STXBP5L: variants seen among roughly 807,000 people sequenced by gnomAD.
STXBP5L encodes the protein syntaxin-binding protein 5-like.
In STXBP5L, 65 loss-of-function variants were observed where a neutral mutation model predicts 144.5. The ratio of observed to expected loss-of-function variants is 0.45; its 90% CI spans 0.37 to 0.55. The LOEUF (loss-of-function observed/expected upper bound fraction) is 0.55, where lower values mean the gene tolerates loss of function less well. STXBP5L is among the 20% of genes least tolerant of loss of function. The pLI is 0.00. For synonymous variants in STXBP5L, 505 were observed against 469.6 expected, an observed-to-expected ratio of 1.08 and a Z score of -0.97; for missense variants, 1,298 against 1,405.5, an observed-to-expected ratio of 0.92 and a Z score of 1.22.
intron 22 of STXBP5L, among the ~76,000 whole-genome samples, chr3:121,384,506 A>C (rs2046383882): frequency 6.6e-6 from 1 of 152,130 alleles, no homozygotes; most frequent in Admixed American, 6.6e-5. Context: ...TCTAGAAAAA[A>C]AATTTTTTTG....
intron 5 of STXBP5L, among the ~76,000 whole-genome samples, chr3:121,068,097 C>T (rs1344367620): frequency 2.0e-5 from 3 of 152,240 alleles, no homozygotes; most frequent in Non-Finnish European, 2.9e-5. Flanking sequence ...GCAACCTCCA[C>T]GCCCTGGGTT....
At chr3:121,416,688 A>T (rs1576381689) in intron 25 of STXBP5L, among the ~76,000 whole-genome samples, 1 of 151,576 alleles carries the variant, frequency 6.6e-6, no homozygotes. Context: ...CATTTTTAGT[A>T]GAGACGAGGT....
intron 5 of STXBP5L, among the ~76,000 whole-genome samples, chr3:121,081,978 G>A (rs1303671020): frequency 4.6e-5 from 7 of 152,122 alleles, no homozygotes; most frequent in Non-Finnish European, 1.0e-4. Context: ...ATTTTTATGT[G>A]TCTGTCCCTC....
At chr3:121,229,347 A>C (rs2049225995) in intron 11 of STXBP5L, among the ~76,000 whole-genome samples, 1 of 152,100 alleles carries the variant, frequency 6.6e-6, no homozygotes, top group South Asian at 2.1e-4. Flanking sequence ...GAATTAGAAA[A>C]AGTTATTTTT....
At chr3:121,153,303 C>A (rs1353721936) in intron 8 of STXBP5L, among the ~76,000 whole-genome samples, 2 of 151,892 alleles carry the variant, frequency 1.3e-5, no homozygotes, top group African/African-American at 4.8e-5. Context: ...CTGGGGGCAA[C>A]AGATTAAAAG....
chr3:121,147,954 A>T (rs1387970578), intron 7 of STXBP5L, among the ~76,000 whole-genome samples: 1 of 151,980 alleles, frequency 6.6e-6, no homozygotes, highest in Non-Finnish European at 1.5e-5. Flanking sequence ...GAACTATACC[A>T]TTGGTTCTCC....
At chr3:121,042,560 G>A (rs1302003594) in intron 4 of STXBP5L, among the ~76,000 whole-genome samples, 1 of 152,036 alleles carries the variant, frequency 6.6e-6, no homozygotes, top group Non-Finnish European at 1.5e-5. Context: ...AAAATGTTTG[G>A]TTATTTTCTC....
At chr3:120,948,811 G>A (rs1289815695) in intron 2 of STXBP5L, among the ~76,000 whole-genome samples, 1 of 151,846 alleles carries the variant, frequency 6.6e-6, no homozygotes, top group Non-Finnish European at 1.5e-5. Flanking sequence ...TGGTTGATGG[G>A]CATTTAGGCT....
rs969921914 is a variant in STXBP5L at position 120,959,414 on chromosome 3, A to G, written c.287+4377A>G. On this transcript the variant is annotated intron_variant, in intron 3 of 26. Transcript: ENST00000471454. ...TGGAAAAAACTACTTTAAAGTTCAT[A>G]TGGAACCAAAAAAGATCCCACATTG... 3.3e-5 allele frequency among the ~76,000 whole-genome samples: 5 copies of G among 152,218 alleles called. No individual in the cohort carries two copies. In the South Asian group the frequency reaches 6.2e-4, roughly 19 times the overall value.
intron 3 of STXBP5L, among the ~76,000 whole-genome samples, chr3:120,994,642 A>C (rs1478917665): frequency 1.3e-5 from 2 of 152,134 alleles, no homozygotes; most frequent in African/African-American, 4.8e-5. Flanking sequence ...CTACTTGATC[A>C]TGCTATATTA....
chr3:121,283,703 C>T (rs73855360), intron 19 of STXBP5L, among the ~76,000 whole-genome samples: 2,902 of 152,056 alleles, frequency 0.019, 97 homozygotes, highest in African/African-American at 0.066. Flanking sequence ...TGTTTACTAT[C>T]CTGTTCTTTA....
intron 19 of STXBP5L, among the ~76,000 whole-genome samples, chr3:121,304,966 T>A (rs2043287911): frequency 6.6e-6 from 1 of 151,720 alleles, no homozygotes; most frequent in African/African-American, 2.4e-5. Flanking sequence ...AGAAGAAACA[T>A]AATTAATACC....
intron 10 of STXBP5L, among the ~76,000 whole-genome samples, chr3:121,220,553 A>T (rs2048942901): frequency 6.6e-6 from 1 of 152,110 alleles, no homozygotes; most frequent in Admixed American, 6.6e-5. Flanking sequence ...GAAATTTTGA[A>T]TTCTATAAAA....
intron 11 of STXBP5L, 87 bp downstream of exon 11, chr3:121,223,244 A>G: frequency 1.5e-6 from 2 of 1,360,858 alleles, no homozygotes. Context: ...ATATTTTCAG[A>G]TGTCTACTGT....
chr3:121,093,284 CAT>C (rs2042922751), intron 5 of STXBP5L, among the ~76,000 whole-genome samples: 1 of 152,172 alleles, frequency 6.6e-6, no homozygotes, highest in African/African-American at 2.4e-5. Flanking sequence ...ATGCTGGCCT[CAT>C]AAAATGAGTT....
intron 5 of STXBP5L, among the ~76,000 whole-genome samples, chr3:121,054,990 T>C (rs1209634156): frequency 3.3e-5 from 5 of 152,140 alleles, no homozygotes; most frequent in Non-Finnish European, 1.5e-5. Context: ...AAGAATTGAT[T>C]AGTGGTGATG....
intron 7 of STXBP5L, among the ~76,000 whole-genome samples, chr3:121,138,478 G>A (rs1269784468): frequency 5.9e-5 from 9 of 152,172 alleles, no homozygotes; most frequent in Non-Finnish European, 1.0e-4. Flanking sequence ...GAACAAAGCC[G>A]AAGGCATCAC....
intron 3 of STXBP5L, among the ~76,000 whole-genome samples, chr3:121,009,166 T>C (rs1324048418): frequency 2.6e-5 from 4 of 151,992 alleles, no homozygotes; most frequent in Non-Finnish European, 4.4e-5. Flanking sequence ...ATGGCTGACT[T>C]ATCTTCACCA....
intron 22 of STXBP5L, among the ~76,000 whole-genome samples, chr3:121,400,285 C>T (rs1357262239): frequency 6.6e-6 from 1 of 152,180 alleles, no homozygotes; most frequent in Non-Finnish European, 1.5e-5. Flanking sequence ...TCACTTTCCA[C>T]TGCTTTTGGG....
Sources: allele counts gnomAD v4.1 joint callset (sites outside exome capture counted in the v4.1 genomes callset), GRCh38; gene constraint gnomAD v4.1.1; transcripts MANE v1.5; gene names NCBI Gene and HGNC (gene_info 2026-07-23, HGNC 2026-07-21).